DNAH7: variants seen among roughly 807,000 people sequenced by gnomAD.
DNAH7 encodes dynein axonemal heavy chain 7.
DNAH7 carries 397 observed loss-of-function variants against 444.6 expected under a neutral mutation model. That is an observed-to-expected ratio of 0.89 (90% confidence interval 0.82 to 0.97). DNAH7 has a LOEUF of 0.97. Among genes scored for constraint, DNAH7 ranks in the 50% least tolerant of loss-of-function variants. DNAH7 has a pLI of 0.00. For synonymous variants in DNAH7, 1,636 were observed against 1,624.4 expected (o/e 1.01, Z -0.17); for missense variants, 4,902 against 4,800.8 (o/e 1.02, Z -0.62).
rs78952379 is a variant in DNAH7 at position 195,957,015 on chromosome 2, A to T, written c.3078+246T>A. Reference sequence around the variant, plus strand: ...AGTGCATCAGATAAGAACCAATAACAGAACCAAAGGTTGTTAAACAATGCA... The same window carrying T: ...AGTGCATCAGATAAGAACCAATAACTGAACCAAAGGTTGTTAAACAATGCA... On this transcript the variant is annotated intron_variant, in intron 19 of 64. Coordinates refer to ENST00000312428, the MANE Select transcript of DNAH7 (RefSeq NM_018897.3). 2.5e-3 allele frequency among the ~76,000 whole-genome samples: 376 copies of T among 152,322 alleles called. 1 individual carries two copies. Among genetic ancestry groups the T allele is most frequent in the African/African-American group, 8.6e-3 (358 of 41,562 alleles).
In DNAH7 at chr2:195,957,312, T is replaced by C. The variant is rs750351784; in HGVS notation, c.3027A>G (p.Arg1009=). 2.6e-5 allele frequency: 42 copies of C among 1,604,820 alleles called. No homozygotes were observed. Among genetic ancestry groups the C allele is most frequent in the Non-Finnish European group, 2.5e-5 (29 of 1,173,652 alleles). ...TCCATGTCTTATCCACAGCTGTAAA[T>C]CGTCTGCCTTCCTCAGGCATTTGAG... ...IMSQMPEEGR[R]FTAVDKTWRD... Residue 1009 remains arginine (R), a synonymous_variant, in exon 19 of 65, where the codon CGA becomes CGG. Transcript: ENST00000312428.
intron 25 of DNAH7, among the ~76,000 whole-genome samples, chr2:195,909,546 A>G (rs1687232554): frequency 6.6e-6 from 1 of 152,180 alleles, no homozygotes; most frequent in Non-Finnish European, 1.5e-5. Flanking sequence ...TAACCTGAAA[A>G]TATGTACATC....
At chr2:195,956,734 C>T (rs1365498202) in intron 19 of DNAH7, among the ~76,000 whole-genome samples, 1 of 151,494 alleles carries the variant, frequency 6.6e-6, no homozygotes, top group Non-Finnish European at 1.5e-5. Context: ...CTCTCTTTAG[C>T]TTAAATTTTA....
At chr2:195,987,794 C>T (rs190242385) in intron 13 of DNAH7, among the ~76,000 whole-genome samples, 163 bp downstream of exon 13, 5 of 152,010 alleles carry the variant, frequency 3.3e-5, no homozygotes, top group African/African-American at 1.2e-4. Context: ...GATTCTTATA[C>T]TCAGGGCTTA....
At chr2:195,885,144 G>A (rs937553264) in intron 34 of DNAH7, among the ~76,000 whole-genome samples, 1 of 152,064 alleles carries the variant, frequency 6.6e-6, no homozygotes, top group Admixed American at 6.6e-5. Flanking sequence ...AAGGTATTAA[G>A]GCACACTTTA....
At chr2:195,903,739 C>T (rs1047739462) in intron 27 of DNAH7, 3 of 152,118 alleles carry the variant, frequency 2.0e-5, no homozygotes, top group Non-Finnish European at 2.9e-5. Context: ...TGAACCCTCT[C>T]GTCTACTTGT....
At chr2:196,014,790 G>A (rs780359369) in intron 9 of DNAH7, among the ~76,000 whole-genome samples, 8 of 151,934 alleles carry the variant, frequency 5.3e-5, no homozygotes, top group Non-Finnish European at 7.4e-5. Flanking sequence ...TGCTTTTGCC[G>A]TCCTCCTTTT....
chr2:196,002,872 G>T (rs762194056), intron 10 of DNAH7, among the ~76,000 whole-genome samples: 39 of 152,032 alleles, frequency 2.6e-4, no homozygotes, highest in Non-Finnish European at 4.1e-4. Context: ...GCTGGGTGTG[G>T]TGGTGAGTGC....
At position 195,987,591 on chromosome 2, in the gene DNAH7, A is replaced by G. The variant is rs1693007346; in HGVS notation, c.1626+366T>C. 3.9e-5 allele frequency among the ~76,000 whole-genome samples: 6 copies of G among 152,158 alleles called. No homozygotes were observed. In the South Asian group the frequency reaches 1.2e-3, roughly 31 times the overall value. On this transcript the variant is annotated intron_variant, in intron 13 of 64. Coordinates refer to ENST00000312428, the MANE Select transcript of DNAH7 (RefSeq NM_018897.3). Reference sequence around the variant, plus strand: ...GAAAAGAAAATTTTAAGTTACTAGTATTCTACTAAACAGAACCATATTTTG... The same window carrying G: ...GAAAAGAAAATTTTAAGTTACTAGTGTTCTACTAAACAGAACCATATTTTG...
chr2:195,873,837 C>A, intron 38 of DNAH7, 143 bp from the exon 39 acceptor site: 2 of 521,882 alleles, frequency 3.8e-6, no homozygotes, highest in Non-Finnish European at 6.0e-6. Flanking sequence ...GTTTGGATAA[C>A]CCTGACATCA....
At chr2:196,067,872 C>T (rs1011592394) in intron 1 of DNAH7, among the ~76,000 whole-genome samples, 2 of 152,184 alleles carry the variant, frequency 1.3e-5, no homozygotes, top group Admixed American at 1.3e-4. Context: ...CCTTATTCAT[C>T]ACTACGTAGA....
intron 21 of DNAH7, among the ~76,000 whole-genome samples, chr2:195,927,219 C>T (rs1040900940): frequency 3.3e-5 from 5 of 152,094 alleles, no homozygotes; most frequent in Admixed American, 6.6e-5. Flanking sequence ...TACCAGCCAT[C>T]GGTGGGAAAC....
chr2:195,856,905 T>C (rs1699747352), intron 44 of DNAH7, among the ~76,000 whole-genome samples: 2 of 152,094 alleles, frequency 1.3e-5, no homozygotes, highest in Non-Finnish European at 2.9e-5. Context: ...TGTCTGGCTA[T>C]CTCACATTAA....
intron 24 of DNAH7, among the ~76,000 whole-genome samples, chr2:195,914,369 C>T (rs1181848821): frequency 1.3e-5 from 2 of 152,184 alleles, no homozygotes; most frequent in Non-Finnish European, 2.9e-5. Flanking sequence ...AAAGGGATTC[C>T]TATATTGTAA....
At chr2:195,986,799 T>G (rs527247460) in intron 14 of DNAH7, among the ~76,000 whole-genome samples, 1 of 152,304 alleles carries the variant, frequency 6.6e-6, no homozygotes, top group South Asian at 2.1e-4. Flanking sequence ...TTAGATAATG[T>G]CCACTTGACT....
At chr2:195,833,020 G>A (rs948119426) in intron 48 of DNAH7, among the ~76,000 whole-genome samples, 1 of 152,200 alleles carries the variant, frequency 6.6e-6, no homozygotes, top group Non-Finnish European at 1.5e-5. Flanking sequence ...CTGAGTGACA[G>A]AGGCAAGTAC....
At chr2:196,020,505 T>C (rs993569774) in intron 8 of DNAH7, among the ~76,000 whole-genome samples, 2 of 152,186 alleles carry the variant, frequency 1.3e-5, no homozygotes, top group African/African-American at 4.8e-5. Context: ...TGAAGGATGA[T>C]TTTTGTCTTT....
chr2:195,821,817 C>T (rs1198267351), intron 49 of DNAH7, among the ~76,000 whole-genome samples: 6 of 152,142 alleles, frequency 3.9e-5, no homozygotes, highest in East Asian at 3.9e-4. Flanking sequence ...TGGGAGATAT[C>T]GTGTTTCCCT....
intron 21 of DNAH7, among the ~76,000 whole-genome samples, chr2:195,927,251 C>T (rs143247697): frequency 2.6e-4 from 39 of 152,254 alleles, no homozygotes; most frequent in African/African-American, 8.2e-4. Context: ...TTACATGCAT[C>T]AACCAAAAAT....
Sources: gnomAD v4.1 joint callset for allele counts (sites outside exome capture counted in the v4.1 genomes callset) on GRCh38, gnomAD v4.1.1 for gene constraint, MANE v1.5 for transcripts, NCBI Gene and HGNC (gene_info 2026-07-23, HGNC 2026-07-21) for gene names.